SLC9A2: variants seen among roughly 807,000 people sequenced by gnomAD.
SLC9A2 encodes the protein sodium/hydrogen exchanger 2.
Under a neutral mutation model 71.7 loss-of-function variants are expected in SLC9A2, and 42 were observed. The observed-to-expected ratio is 0.59, with a 90% CI of 0.46 to 0.76. The LOEUF is 0.76. Among genes scored for constraint, SLC9A2 ranks in the 30% least tolerant of loss-of-function variants. The pLI, the probability that SLC9A2 is intolerant of heterozygous loss-of-function variation, is 0.00. For synonymous variants in SLC9A2, 396 were observed against 392.5 expected (o/e 1.01, Z -0.10); for missense variants, 829 against 1,017.4 (o/e 0.81, Z 2.52).
rs543053617 is a variant in SLC9A2 at position 102,663,342 on chromosome 2, A to G, written c.754-1758A>G. Among the ~76,000 whole-genome samples, 4 of 152,228 alleles carry G rather than the reference A, an allele frequency of 2.6e-5. No individual in the cohort carries two copies. The South Asian group carries it at 8.3e-4, about 32-fold the overall frequency. On this transcript the variant is annotated intron_variant, in intron 2 of 11. Coordinates refer to ENST00000233969, the MANE Select transcript of SLC9A2 (RefSeq NM_003048.6). Reference sequence around the variant, plus strand: ...ACTGTTTCCTAGGGAATAATCCACTATTTTTCAAAGCCAACAGATATTTAT... The same window carrying G: ...ACTGTTTCCTAGGGAATAATCCACTGTTTTTCAAAGCCAACAGATATTTAT...
intron 1 of SLC9A2, among the ~76,000 whole-genome samples, chr2:102,630,628 TTGG>T (rs1346999604): frequency 2.0e-5 from 3 of 152,014 alleles, no homozygotes; most frequent in Middle Eastern, 3.2e-3. Flanking sequence ...GTGGTATTTC[TTGG>T]TGATTTTATC....
chr2:102,695,769 TA>T lies in SLC9A2; in HGVS notation c.1586+658del, dbSNP rs1271764536. Among the ~76,000 whole-genome samples the T allele has an allele frequency of 1.7e-3, 196 of 116,964 alleles. 1 individual carries two copies. Among genetic ancestry groups the T allele is most frequent in the African/African-American group, 4.3e-3 (136 of 31,328 alleles). The allele number at this position is 116,964 out of a possible 152,430, so 76.7% of individuals were successfully genotyped here. Reference sequence around the variant, plus strand: ...AGCAGAAATAACGTGTATATATATATAATATATATTATATATATATTATATA... The same window carrying T: ...AGCAGAAATAACGTGTATATATATATATATATATTATATATATATTATATA... On this transcript the variant is annotated intron_variant, in intron 7 of 11. Transcript: ENST00000233969.
At chr2:102,699,839 T>C (rs764695847) in intron 7 of SLC9A2, among the ~76,000 whole-genome samples, 1 of 152,110 alleles carries the variant, frequency 6.6e-6, no homozygotes, top group Non-Finnish European at 1.5e-5. Flanking sequence ...TAGATGGCTG[T>C]CTTCTCCCTG....
intron 9 of SLC9A2, 90 bp downstream of exon 9, chr2:102,702,592 GA>G: frequency 1.3e-6 from 1 of 748,388 alleles, no homozygotes; most frequent in Non-Finnish European, 2.3e-6. Flanking sequence ...GCTGCATCTT[GA>G]CACTGGGCTC....
At chr2:102,696,405 T>G (rs763427294) in intron 7 of SLC9A2, among the ~76,000 whole-genome samples, 11 of 152,236 alleles carry the variant, frequency 7.2e-5, no homozygotes, top group Non-Finnish European at 1.5e-4. Context: ...CCTCCACTGC[T>G]AATTTACATG....
In SLC9A2 at chr2:102,695,792, TATATATATTATATATATATATA is replaced by T. The variant is rs1419188259; in HGVS notation, c.1586+688_1586+709del. ...TATAATATATATTATATATATATTA[TATATATATTATATATATATATA>T]ATATATATATAAAAAGCTAAAATTA... On this transcript the variant is annotated intron_variant, in intron 7 of 11. Transcript: ENST00000233969. Among the ~76,000 whole-genome samples the T allele has an allele frequency of 1.3e-4, 5 of 39,864 alleles. 1 individual carries two copies. The highest frequency in any genetic ancestry group is 0.011 in the Middle Eastern group (1 of 94). 26.2% of individuals were successfully genotyped at this position (39,864 alleles called of 152,430 possible). A position where few individuals can be genotyped will look rare whatever the true frequency, so the allele number is the denominator to read the frequency against.
At chr2:102,658,962 C>T (rs928747092) in intron 2 of SLC9A2, among the ~76,000 whole-genome samples, 4 of 152,162 alleles carry the variant, frequency 2.6e-5, no homozygotes, top group Admixed American at 6.5e-5. Flanking sequence ...TGTGAATGCT[C>T]ACTTTGTGCT....
intron 3 of SLC9A2, among the ~76,000 whole-genome samples, chr2:102,665,802 G>A (rs994168563): frequency 0.023 from 1,290 of 57,062 alleles, no homozygotes; most frequent in Middle Eastern, 0.049. Context: ...AAAAAAAAAA[G>A]ATTTTTCTTA....
At chr2:102,682,280 G>A (rs1471491746) in intron 3 of SLC9A2, among the ~76,000 whole-genome samples, 1 of 152,198 alleles carries the variant, frequency 6.6e-6, no homozygotes, top group East Asian at 1.9e-4. Context: ...CTCTGTGGGT[G>A]GCATCTGAGT....
chr2:102,620,228 G>A, intron 1 of SLC9A2, 91 bp downstream of exon 1: 1 of 1,106,132 alleles, frequency 9.0e-7, no homozygotes, highest in East Asian at 2.7e-5. Context: ...CCTCTAGATA[G>A]TGACCGCCTC....
chr2:102,698,554 C>T (rs1347020123), intron 7 of SLC9A2, among the ~76,000 whole-genome samples: 3 of 152,156 alleles, frequency 2.0e-5, no homozygotes, highest in Non-Finnish European at 2.9e-5. Context: ...TTGGGCTTGG[C>T]CAGTTGGGGC....
chr2:102,692,264 A>G (rs964046177), intron 5 of SLC9A2, among the ~76,000 whole-genome samples: 1 of 152,244 alleles, frequency 6.6e-6, no homozygotes, highest in African/African-American at 2.4e-5. Context: ...GAAAGTTAAA[A>G]TGAAAGTTAA....
intron 3 of SLC9A2, among the ~76,000 whole-genome samples, chr2:102,668,492 T>A (rs1453811290): frequency 6.6e-6 from 1 of 152,236 alleles, no homozygotes; most frequent in African/African-American, 2.4e-5. Context: ...ACTAGTCATT[T>A]TTCCTGGGCT....
chr2:102,698,197 T>C (rs532715850), intron 7 of SLC9A2, among the ~76,000 whole-genome samples: 2 of 152,228 alleles, frequency 1.3e-5, no homozygotes, highest in South Asian at 4.1e-4. Context: ...CAATTAAAAG[T>C]AGAGAAAAGT....
intron 5 of SLC9A2, 45 bp downstream of exon 5, chr2:102,684,381 C>A: frequency 1.3e-6 from 2 of 1,537,410 alleles, no homozygotes; most frequent in South Asian, 1.1e-5. Flanking sequence ...AAATATCGTT[C>A]AGAATATTGG....
Position 102,695,057 on chromosome 2 carries a change from G to T in SLC9A2, c.1530G>T (p.Val510=). 6.2e-7 allele frequency: 1 copy of T among 1,613,854 alleles called. No homozygotes were observed. Among genetic ancestry groups the T allele is most frequent in the Middle Eastern group, 1.7e-4 (1 of 6,056 alleles). The part of the protein sequence containing the change: ...EEIYCRLFDH[V]KTGIEDVCGH... ...TTCTGTTTTAGTTGTTTGATCATGT[G>T]AAGACTGGAATTGAAGATGTTTGTG... Residue 510 remains valine (V), a synonymous_variant, in exon 7 of 12, where the codon GTG becomes GTT. Transcript: ENST00000233969.
At chr2:102,636,556 T>G (rs1014207016) in intron 1 of SLC9A2, among the ~76,000 whole-genome samples, 1 of 152,172 alleles carries the variant, frequency 6.6e-6, no homozygotes, top group Non-Finnish European at 1.5e-5. Context: ...ACAAGGCGGT[T>G]AGGTGGGTGG....
chr2:102,708,154 A>C lies in SLC9A2; in HGVS notation c.2104A>C (p.Thr702Pro). The change falls in exon 12 of 12, where the codon ACC (threonine) becomes CCC (proline). Residue 702 changes from threonine (T) to proline (P), a missense_variant. Transcript: ENST00000233969. ...NSSDSDADAG[T>P]TVLNLQPRAR... ...CAGCGACTCAGACGCAGATGCCGGG[A>C]CCACCGTGCTCAATTTGCAGCCCAG... 1 of 1,613,918 alleles carries C rather than the reference A, an allele frequency of 6.2e-7. No individual in the cohort carries two copies. Among genetic ancestry groups the C allele is most frequent in the Non-Finnish European group, 8.5e-7 (1 of 1,179,926 alleles).
At chr2:102,627,578 T>C (rs1310473203) in intron 1 of SLC9A2, among the ~76,000 whole-genome samples, 1 of 152,184 alleles carries the variant, frequency 6.6e-6, no homozygotes, top group Non-Finnish European at 1.5e-5. Context: ...TTTATATGCA[T>C]TTATGTTCTC....
Sources: gnomAD v4.1 joint callset for allele counts (sites outside exome capture counted in the v4.1 genomes callset) on GRCh38, gnomAD v4.1.1 for gene constraint, MANE v1.5 for transcripts, NCBI Gene and HGNC (gene_info 2026-07-23, HGNC 2026-07-21) for gene names.